Variants in CDH1 observed in about 807,000 individuals in gnomAD.
The protein encoded by CDH1 is cadherin 1, also known as cadherin-1.
CDH1 carries 35 observed loss-of-function variants against 84.5 expected under a neutral mutation model. That is an observed-to-expected ratio of 0.41 (90% CI 0.32 to 0.55). The LOEUF (loss-of-function observed/expected upper bound fraction) is 0.55. CDH1 is among the 20% of genes least tolerant of loss of function. The pLI, the probability that CDH1 is intolerant of heterozygous loss-of-function variation, is 0.19. For synonymous variants in CDH1, 417 were observed against 439.0 expected (o/e 0.95, Z 0.63); for missense variants, 994 against 1,126.6 (o/e 0.88, Z 1.68).
At chr16:68,773,548 C>T (rs1022296435) in intron 2 of CDH1, among the ~76,000 whole-genome samples, 1 of 152,232 alleles carries the variant, frequency 6.6e-6, no homozygotes, top group African/African-American at 2.4e-5. Context: ...ATCTGCCCGC[C>T]CTGGCCTCCC....
intron 2 of CDH1, among the ~76,000 whole-genome samples, chr16:68,794,302 A>C (rs1238209018): frequency 6.6e-6 from 1 of 151,914 alleles, no homozygotes; most frequent in Non-Finnish European, 1.5e-5. Context: ...CTGCCTCCCG[A>C]AGTGTTGGGT....
chr16:68,778,769 G>A lies in CDH1; in HGVS notation c.164-22901G>A, dbSNP rs78321869. Among the ~76,000 whole-genome samples the A allele has an allele frequency of 4.5e-3, 684 of 152,290 alleles. 7 individuals are homozygous for A. Among genetic ancestry groups the A allele is most frequent in the African/African-American group, 0.015 (637 of 41,566 alleles). ...GAACTCCTGCCCTGTCAGCAGAAAC[G>A]GTGCAGTCACAATGAGAAGGGAAAG... On this transcript the variant is annotated intron_variant, in intron 2 of 15. Coordinates refer to ENST00000261769, the MANE Select transcript of CDH1 (RefSeq NM_004360.5).
intron 2 of CDH1, among the ~76,000 whole-genome samples, chr16:68,782,282 C>T (rs767495766): frequency 2.0e-5 from 3 of 152,142 alleles, no homozygotes; most frequent in Non-Finnish European, 2.9e-5. Flanking sequence ...GTTGCCCTGT[C>T]CCAGGAACCT....
chr16:68,773,234 T>A (rs907113556), intron 2 of CDH1, among the ~76,000 whole-genome samples: 4 of 152,108 alleles, frequency 2.6e-5, no homozygotes, highest in Non-Finnish European at 4.4e-5. Flanking sequence ...CTAGTGTTGG[T>A]TGGAGACAAA....
Position 68,785,471 on chromosome 16 carries a change from C to T in CDH1, c.164-16199C>T, listed in dbSNP as rs544535428. 1.2e-4 allele frequency among the ~76,000 whole-genome samples: 19 copies of T among 152,176 alleles called. 1 individual carries two copies. The highest frequency in any genetic ancestry group is 4.3e-4 in the African/African-American group (18 of 41,550). On this transcript the variant is annotated intron_variant, in intron 2 of 15. Transcript: ENST00000261769. ...CTTCCCAAAGTGCTGGGATTATAGGCGTGAGCCACTATGCCTGACCAAGAC... is the reference window on the plus strand; with the variant it reads ...CTTCCCAAAGTGCTGGGATTATAGGTGTGAGCCACTATGCCTGACCAAGAC...
chr16:68,755,907 G>T (rs1051402787), intron 2 of CDH1, among the ~76,000 whole-genome samples: 12 of 151,922 alleles, frequency 7.9e-5, no homozygotes, highest in Non-Finnish European at 1.5e-4. Context: ...GGGATTACAG[G>T]CATGTGCCAC....
intron 2 of CDH1, among the ~76,000 whole-genome samples, chr16:68,753,064 C>T (rs945520458): frequency 2.0e-5 from 3 of 151,842 alleles, no homozygotes; most frequent in Admixed American, 2.0e-4. Context: ...AAATGCAAGG[C>T]CGGCCAGGCG....
intron 13 of CDH1, among the ~76,000 whole-genome samples, chr16:68,823,944 G>C (rs1041880092): frequency 7.9e-5 from 12 of 151,124 alleles, no homozygotes; most frequent in Non-Finnish European, 1.8e-4. Context: ...TTTTGAACTG[G>C]GAAATCTGAT....
intron 10 of CDH1, among the ~76,000 whole-genome samples, chr16:68,818,959 G>C (rs543955255): frequency 6.6e-6 from 1 of 151,752 alleles, no homozygotes; most frequent in African/African-American, 2.4e-5. Context: ...AGGTTCAAAC[G>C]ATTCTCCTGC....
intron 14 of CDH1, 62 bp from the exon 15 acceptor site, chr16:68,829,592 C>T (rs1596972230): frequency 1.3e-6 from 2 of 1,487,262 alleles, no homozygotes; most frequent in Non-Finnish European, 9.3e-7. Flanking sequence ...CTGAACATAG[C>T]CCTGTGTGTA....
intron 2 of CDH1, among the ~76,000 whole-genome samples, chr16:68,791,102 G>T (rs1334190113): frequency 6.6e-6 from 1 of 152,166 alleles, no homozygotes; most frequent in Non-Finnish European, 1.5e-5. Flanking sequence ...GTGGGCAGGA[G>T]TGGTTATCTG....
chr16:68,811,882 A>AGGGT (rs1186693937), intron 7 of CDH1, 23 bp downstream of exon 7: 1 of 1,613,068 alleles, frequency 6.2e-7, no homozygotes, highest in African/African-American at 1.3e-5. Flanking sequence ...GAGGATCCAG[A>AGGGT]GGGTGTGGAG....
At chr16:68,780,753 GA>G (rs1401564763) in intron 2 of CDH1, among the ~76,000 whole-genome samples, 1 of 152,186 alleles carries the variant, frequency 6.6e-6, no homozygotes, top group East Asian at 1.9e-4. Flanking sequence ...TCATTCTCGT[GA>G]TTTCATGCCC....
chr16:68,793,194 T>G (rs1960258980), intron 2 of CDH1, among the ~76,000 whole-genome samples: 1 of 152,182 alleles, frequency 6.6e-6, no homozygotes, highest in Non-Finnish European at 1.5e-5. Context: ...TGGTTGACGT[T>G]GGCAGTTTAG....
chr16:68,755,887 C>T (rs1037021156), intron 2 of CDH1, among the ~76,000 whole-genome samples: 8 of 151,906 alleles, frequency 5.3e-5, no homozygotes, highest in East Asian at 1.9e-4. Context: ...CCTCAGCCTC[C>T]GGTGTAGCTG....
intron 5 of CDH1, among the ~76,000 whole-genome samples, chr16:68,809,994 G>A (rs1458102711): frequency 6.6e-6 from 1 of 152,128 alleles, no homozygotes; most frequent in African/African-American, 2.4e-5. Context: ...AGCCGTGGGG[G>A]GTGTTCTCCA....
rs147222178 is a variant in CDH1, at chr16:68,797,383, C to T, written c.164-4287C>T. Reference sequence around the variant, plus strand: ...CCTGGGTGACAGAGTAAAACCCTTTCTCAAAAAATTAAAATGAGGCTGGGC... The same window carrying T: ...CCTGGGTGACAGAGTAAAACCCTTTTTCAAAAAATTAAAATGAGGCTGGGC... On this transcript the variant is annotated intron_variant, in intron 2 of 15. Coordinates refer to ENST00000261769, the MANE Select transcript of CDH1 (RefSeq NM_004360.5). 3.2e-3 allele frequency among the ~76,000 whole-genome samples: 482 copies of T among 152,050 alleles called. 1 individual carries two copies. The highest frequency in any genetic ancestry group is 9.4e-3 in the African/African-American group (391 of 41,492).
chr16:68,783,084 G>A (rs949230972), intron 2 of CDH1, among the ~76,000 whole-genome samples: 2 of 151,888 alleles, frequency 1.3e-5, no homozygotes, highest in Non-Finnish European at 2.9e-5. Context: ...CCCTCCTTTG[G>A]TTCAACCCTC....
chr16:68,792,450 G>A lies in CDH1; in HGVS notation c.164-9220G>A, dbSNP rs539348147. Among the ~76,000 whole-genome samples the A allele has an allele frequency of 2.0e-4, 31 of 152,160 alleles. No individual in the cohort carries two copies. In the East Asian group the frequency reaches 5.8e-3, roughly 29 times the overall value. ...TCACCATGTGGACCAGGCTGGTCTT[G>A]AACTCCTGACCTCAAGTGTTCCACC... On this transcript the variant is annotated intron_variant, in intron 2 of 15. Transcript: ENST00000261769.
Sources: allele counts gnomAD v4.1 joint callset (sites outside exome capture counted in the v4.1 genomes callset), GRCh38; gene constraint gnomAD v4.1.1; transcripts MANE v1.5; gene names NCBI Gene and HGNC (gene_info 2026-07-23, HGNC 2026-07-21).